The following FAT2 variants were observed in gnomAD, a reference collection of about 807,000 sequenced individuals.
The protein encoded by FAT2 is FAT atypical cadherin 2.
A neutral mutation model predicts 295.3 loss-of-function variants in FAT2; 150 were observed. The ratio of observed to expected loss-of-function variants is 0.51; its 90% CI spans 0.44 to 0.58. The LOEUF (loss-of-function observed/expected upper bound fraction) is 0.58. FAT2 is among the 20% of genes least tolerant of loss of function. The pLI, the probability that FAT2 is intolerant of heterozygous loss-of-function variation, is 0.00. For missense variants in FAT2, 4,868 were observed against 5,442.7 expected, an observed-to-expected ratio of 0.89 and a Z score of 3.32; for synonymous variants, 2,026 against 2,150.3, an observed-to-expected ratio of 0.94 and a Z score of 1.60.
In FAT2 at chr5:151,568,393, T is replaced by C. The variant is rs774623483; in HGVS notation, c.539A>G (p.Asn180Ser). Residue 180 changes from asparagine (N) to serine (S), a missense_variant, in exon 2 of 24, where the codon AAT becomes AGT. This residue lies in a region of FAT2 where 3,297 missense variants were observed against 3,669.4 expected (regional missense o/e 0.90). Transcript: ENST00000261800. ...GTTAAAGGCATAATAGAACTCAGCA[T>C]TCTGGCCTAGATCAGCATCTGTGGC... The part of the protein sequence containing the change: ...VTATDADLGQ[N>S]AEFYYAFNTR... 8 of 1,614,082 alleles carry C rather than the reference T, an allele frequency of 5.0e-6. No homozygotes were observed. The South Asian group carries it at 8.8e-5, about 18-fold the overall frequency.
intron 1 of FAT2, among the ~76,000 whole-genome samples, chr5:151,589,723 C>T (rs563694145): frequency 1.6e-4 from 25 of 151,842 alleles, no homozygotes; most frequent in African/African-American, 5.6e-4. Context: ...TAGTGAGACC[C>T]CATCTCTACA....
At chr5:151,537,343 GAAAAGAAA>G (rs200328160) in intron 12 of FAT2, among the ~76,000 whole-genome samples, 1 of 133,172 alleles carries the variant, frequency 7.5e-6, no homozygotes, top group African/African-American at 3.0e-5. Context: ...GAAAAGAAAA[GAAAAGAAA>G]AAAGAAGGAA....
At chr5:151,525,733 C>A (rs2127583742) in intron 18 of FAT2, 35 bp downstream of exon 18, 1 of 1,611,924 alleles carries the variant, frequency 6.2e-7, no homozygotes, top group Non-Finnish European at 8.5e-7. Context: ...TTACTGTCCC[C>A]ATGGTCACCA....
At chr5:151,584,438 T>C (rs897559481) in intron 1 of FAT2, among the ~76,000 whole-genome samples, 2 of 152,074 alleles carry the variant, frequency 1.3e-5, no homozygotes, top group African/African-American at 4.8e-5. Context: ...TCAAAGACCC[T>C]ATGAAGGAAG....
At chr5:151,558,183 T>A (rs1757862512) in intron 3 of FAT2, among the ~76,000 whole-genome samples, 1 of 152,208 alleles carries the variant, frequency 6.6e-6, no homozygotes, top group South Asian at 2.1e-4. Flanking sequence ...GAGTCACGTT[T>A]TAAAAAGCCA....
At chr5:151,569,195 G>T (rs1758427359) in intron 1 of FAT2, among the ~76,000 whole-genome samples, 1 of 152,144 alleles carries the variant, frequency 6.6e-6, no homozygotes, top group Admixed American at 6.5e-5. Flanking sequence ...CTCACACTGA[G>T]AATAAAGACA....
In FAT2 at chr5:151,542,178, A is replaced by G. The variant is rs1756216827; in HGVS notation, c.8842+107T>C. ...GGGGGTTAAGTGTGCCCAAGGTCACACTGCTAATAAGTGGCAAATCCAGGA... is the reference window on the plus strand; with the variant it reads ...GGGGGTTAAGTGTGCCCAAGGTCACGCTGCTAATAAGTGGCAAATCCAGGA... On this transcript the variant is annotated intron_variant, in intron 10 of 23. Coordinates refer to ENST00000261800, the MANE Select transcript of FAT2 (RefSeq NM_001447.3). 3 of 1,081,084 alleles carry G rather than the reference A, an allele frequency of 2.8e-6. No homozygotes were observed. The South Asian group carries it at 4.7e-5, about 17-fold the overall frequency. The allele number at this position is 1,081,084 out of a possible 1,614,324, so 67.0% of individuals were successfully genotyped here.
chr5:151,574,928 T>C (rs7730502), intron 1 of FAT2, among the ~76,000 whole-genome samples: 70,063 of 151,842 alleles, frequency 0.46, 16,228 homozygotes, highest in Middle Eastern at 0.5. Context: ...GGGCCTCAAC[T>C]TGCCTGTCTG....
At chr5:151,529,681 A>T (rs893115258) in intron 14 of FAT2, among the ~76,000 whole-genome samples, 2 of 152,198 alleles carry the variant, frequency 1.3e-5, no homozygotes, top group African/African-American at 2.4e-5. Context: ...TATCTCATTG[A>T]GATCTATAAA....
rs145378369 is a variant in FAT2, at chr5:151,562,486, G to A, written c.3574+839C>T. ...CAGGCAGGTGGTGTCAATGAGGGAC[G>A]CAGGCTGGGAGTAACACAACAGGGG... is the stretch of plus-strand genomic sequence containing the variant. On this transcript the variant is annotated intron_variant, in intron 3 of 23. Coordinates refer to ENST00000261800, the MANE Select transcript of FAT2 (RefSeq NM_001447.3). 1.2e-3 allele frequency among the ~76,000 whole-genome samples: 177 copies of A among 152,246 alleles called. 3 individuals carry two copies. In the East Asian group the frequency reaches 0.029, roughly 25 times the overall value.
chr5:151,530,710 A>C (rs1477914386), intron 14 of FAT2, among the ~76,000 whole-genome samples: 1 of 152,202 alleles, frequency 6.6e-6, no homozygotes, highest in African/African-American at 2.4e-5. Context: ...TTTGTTTAGA[A>C]AAGGAGTTCT....
intron 12 of FAT2, 93 bp downstream of exon 12, chr5:151,537,700 C>T: frequency 7.8e-7 from 1 of 1,286,092 alleles, no homozygotes. Context: ...TGAGTGAATT[C>T]CTGTTTCTTC....
intron 17 of FAT2, among the ~76,000 whole-genome samples, chr5:151,526,875 G>A (rs1754064524): frequency 6.6e-6 from 1 of 152,084 alleles, no homozygotes; most frequent in South Asian, 2.1e-4. Flanking sequence ...CCATTAGTAG[G>A]GAATAGCTTG....
chr5:151,573,512 G>A (rs1294962499), intron 1 of FAT2, among the ~76,000 whole-genome samples: 2 of 152,100 alleles, frequency 1.3e-5, no homozygotes, highest in Non-Finnish European at 2.9e-5. Flanking sequence ...AAATTAGCTG[G>A]GCGCAGTGGC....
At chr5:151,507,046 G>T in intron 23 of FAT2, 108 bp downstream of exon 23, 1 of 949,188 alleles carries the variant, frequency 1.1e-6, no homozygotes, top group Non-Finnish European at 1.6e-6. Flanking sequence ...ATCCCAAAGG[G>T]TTGGATGCGT....
At chr5:151,562,985 A>G (rs1758085705) in intron 3 of FAT2, among the ~76,000 whole-genome samples, 1 of 152,194 alleles carries the variant, frequency 6.6e-6, no homozygotes, top group Non-Finnish European at 1.5e-5. Context: ...AGGTCTAACT[A>G]GTCTCAGGTT....
chr5:151,558,329 T>G (rs1394789114), intron 3 of FAT2, among the ~76,000 whole-genome samples: 2 of 152,148 alleles, frequency 1.3e-5, no homozygotes, highest in Non-Finnish European at 2.9e-5. Context: ...AAAAGGCAGC[T>G]TGTCGCCTGG....
chr5:151,540,862 T>G, intron 10 of FAT2, 99 bp from the exon 11 acceptor site: 3 of 1,121,630 alleles, frequency 2.7e-6, no homozygotes, highest in Non-Finnish European at 3.8e-6. Flanking sequence ...TTTAGAATTG[T>G]TGGGAAAGCA....
chr5:151,505,454 G>A lies in FAT2; in HGVS notation c.*111C>T. 1 of 1,318,330 alleles carries A rather than the reference G, an allele frequency of 7.6e-7. No individual in the cohort carries two copies. Among genetic ancestry groups the A allele is most frequent in the South Asian group, 1.3e-5 (1 of 76,342 alleles). The allele number at this position is 1,318,330 out of a possible 1,614,324, so 81.7% of individuals were successfully genotyped here. ...TCAAGGGACAACAGCCTGGGCTGAG[G>A]GCTTCCCTCCCACTCTCCCAGCCAC... On this transcript the variant is annotated 3_prime_UTR_variant, in exon 24 of 24. Coordinates refer to ENST00000261800, the MANE Select transcript of FAT2 (RefSeq NM_001447.3).
Sources: gnomAD v4.1 joint callset for allele counts (sites outside exome capture counted in the v4.1 genomes callset) on GRCh38, gnomAD v4.1.1 for gene constraint, gnomAD v4.1.1 regional missense constraint, MANE v1.5 for transcripts, NCBI Gene and HGNC (gene_info 2026-07-23, HGNC 2026-07-21) for gene names.